Variants in CACNA1B observed in about 807,000 individuals in gnomAD.
CACNA1B encodes calcium voltage-gated channel subunit alpha1 B, also known as voltage-dependent N-type calcium channel subunit alpha-1B.
CACNA1B carries 70 observed loss-of-function variants against 247.2 expected under a neutral mutation model. That is an observed-to-expected ratio of 0.28 (90% CI 0.23 to 0.35). The LOEUF (loss-of-function observed/expected upper bound fraction) is 0.35, where lower values mean the gene tolerates loss of function less well. CACNA1B is among the 10% of genes least tolerant of loss of function. The pLI is 1.00. For missense variants in CACNA1B, 2,367 were observed against 3,197.4 expected (o/e 0.74, Z 6.26); for synonymous variants, 1,231 against 1,294.4 (o/e 0.95, Z 1.05).
intron 3 of CACNA1B, among the ~76,000 whole-genome samples, chr9:137,901,176 G>A (rs916985181): frequency 9.4e-5 from 14 of 149,576 alleles, no homozygotes; most frequent in Admixed American, 1.3e-4. Context: ...GTGTGTCTCT[G>A]TGTCCCTGTG....
At chr9:138,047,983 G>A (rs1246456364) in intron 23 of CACNA1B, among the ~76,000 whole-genome samples, 1 of 152,182 alleles carries the variant, frequency 6.6e-6, no homozygotes, top group Non-Finnish European at 1.5e-5. Flanking sequence ...TGGCCCTTGT[G>A]TGTTTATGCA....
At chr9:138,111,759 C>T (rs1398977749) in intron 39 of CACNA1B, among the ~76,000 whole-genome samples, 4 of 152,114 alleles carry the variant, frequency 2.6e-5, no homozygotes, top group Non-Finnish European at 5.9e-5. Context: ...TGCCCCGAGG[C>T]CTCCCTGGCC....
intron 5 of CACNA1B, among the ~76,000 whole-genome samples, chr9:137,915,979 C>T (rs928044535): frequency 3.3e-5 from 5 of 151,862 alleles, no homozygotes; most frequent in Non-Finnish European, 7.4e-5. Context: ...AGCTGAGCAA[C>T]TCCACAAAAT....
intron 36 of CACNA1B, among the ~76,000 whole-genome samples, chr9:138,081,653 A>G (rs1286662960): frequency 2.6e-5 from 4 of 151,136 alleles, no homozygotes; most frequent in African/African-American, 7.4e-5. Context: ...TTATGAATAC[A>G]TTAAGTATTT....
At chr9:137,949,455 CGT>C (rs200478557) in intron 6 of CACNA1B, among the ~76,000 whole-genome samples, 46 of 92,840 alleles carry the variant, frequency 5.0e-4, no homozygotes, top group East Asian at 9.8e-4. Flanking sequence ...GGGGTGTGTG[CGT>C]GTGTGTGTGT....
In CACNA1B at chr9:138,059,828, G is replaced by A. The variant is rs1959660150; in HGVS notation, c.4668+91G>A. The stretch of plus-strand genomic sequence containing the variant: ...CAGTGCATCTCCAGGCCCTGTGTTA[G>A]CCTCTTCCTGGGTTCCGCAGAACCC... On this transcript the variant is annotated intron_variant, in intron 31 of 46. Coordinates refer to ENST00000371372, the MANE Select transcript of CACNA1B (RefSeq NM_000718.4). This position sits in a 1 kb window ranked among gnomAD's most constrained non-coding sequence, Gnocchi z 4.2. 2 of 774,152 alleles carry A rather than the reference G, an allele frequency of 2.6e-6. No homozygotes were observed. Among genetic ancestry groups the A allele is most frequent in the East Asian group, 2.5e-5 (1 of 40,498 alleles). 48.0% of individuals were successfully genotyped at this position (774,152 alleles called of 1,614,324 possible). A position where few individuals can be genotyped will look rare whatever the true frequency, so the allele number is the denominator to read the frequency against.
intron 23 of CACNA1B, among the ~76,000 whole-genome samples, chr9:138,048,345 C>T (rs1195650637): frequency 6.6e-6 from 1 of 152,184 alleles, no homozygotes; most frequent in African/African-American, 2.4e-5. Flanking sequence ...GAGCTCTGAG[C>T]TCCCTGGGGC....
In CACNA1B at chr9:138,059,732, AT is replaced by A; in HGVS notation, c.4665del (p.Ile1555MetfsTer21). The A allele has an allele frequency of 6.3e-7, 1 of 1,588,978 alleles. No individual in the cohort carries two copies. The highest frequency in any genetic ancestry group is 8.6e-7 in the Non-Finnish European group (1 of 1,157,186). On this transcript the variant is annotated frameshift_variant, in exon 31 of 47. Coordinates refer to ENST00000371372, the MANE Select transcript of CACNA1B (RefSeq NM_000718.4). LOFTEE classifies it high-confidence loss of function. This position sits in a 1 kb window ranked among gnomAD's most constrained non-coding sequence, Gnocchi z 4.2. ...GSITDILVTE[I>X]AETNNFINLS... The stretch of plus-strand genomic sequence containing the variant: ...TATTACTGATATTTTAGTAACAGAG[AT>A]TGCGGTAAGTAGCATTTCTGTCCCT...
intron 39 of CACNA1B, among the ~76,000 whole-genome samples, chr9:138,110,040 C>T (rs981723512): frequency 4.6e-5 from 7 of 151,782 alleles, no homozygotes; most frequent in Non-Finnish European, 1.0e-4. Flanking sequence ...GGTGACAGAC[C>T]GAGATTCCAT....
intron 15 of CACNA1B, among the ~76,000 whole-genome samples, chr9:138,003,134 T>C (rs1430869767): frequency 6.7e-6 from 1 of 149,702 alleles, no homozygotes; most frequent in Non-Finnish European, 1.5e-5. Context: ...GTCTTGCGAT[T>C]GTGCCACTGC....
At position 137,888,728 on chromosome 9, in the gene CACNA1B, CAG is replaced by C. The variant is rs1957053232; in HGVS notation, c.530+5846_530+5847del. Among the ~76,000 whole-genome samples, 2 of 152,240 alleles carry C rather than the reference CAG, an allele frequency of 1.3e-5. No homozygotes were observed. Among genetic ancestry groups the C allele is most frequent in the Non-Finnish European group, 1.5e-5 (1 of 68,040 alleles). On this transcript the variant is annotated intron_variant, in intron 3 of 46. Transcript: ENST00000371372. The surrounding 1 kb of genome is among the most constrained non-coding windows in gnomAD (Gnocchi z 4.7). ...AGGAGGGAGTCTGGTCAGCGGAGCT[CAG>C]GGGCCGAGGCACTGCTGACCCTGAG... is the stretch of plus-strand genomic sequence containing the variant.
At chr9:138,089,354 A>T (rs542204759) in intron 36 of CACNA1B, among the ~76,000 whole-genome samples, 1 of 152,352 alleles carries the variant, frequency 6.6e-6, no homozygotes, top group South Asian at 2.1e-4. Context: ...GGATGTAAGG[A>T]TGGTTCAACA....
intron 6 of CACNA1B, among the ~76,000 whole-genome samples, chr9:137,929,463 G>C (rs1406656417): frequency 2.6e-5 from 4 of 152,176 alleles, no homozygotes; most frequent in Non-Finnish European, 4.4e-5. Context: ...ACTGAGGTGG[G>C]AGGATCACTT....
intron 1 of CACNA1B, 34 bp from the exon 2 acceptor site, chr9:137,879,020 G>T (rs770614645): frequency 3.4e-5 from 48 of 1,413,694 alleles, no homozygotes; most frequent in Middle Eastern, 3.5e-4. Context: ...TTCCCTCCGT[G>T]CGGCGTCTGC....
intron 1 of CACNA1B, 143 bp from the exon 2 acceptor site, chr9:137,878,911 T>C (rs909339642): frequency 1.7e-6 from 1 of 580,624 alleles, no homozygotes; most frequent in African/African-American, 1.9e-5. Context: ...CCAGGCCGCT[T>C]CCGCCAGGAG....
At chr9:137,936,715 A>C (rs1755721398) in intron 6 of CACNA1B, among the ~76,000 whole-genome samples, 1 of 152,200 alleles carries the variant, frequency 6.6e-6, no homozygotes, top group African/African-American at 2.4e-5. Flanking sequence ...CAGTTTTCCC[A>C]GCACCATTTA....
chr9:138,022,953 C>G (rs1347494092), intron 18 of CACNA1B, 58 bp from the exon 19 acceptor site: 2 of 1,446,422 alleles, frequency 1.4e-6, no homozygotes, highest in Non-Finnish European at 1.8e-6. Context: ...TGTGGCCTCC[C>G]TGGAGAGCGG....
At chr9:138,053,596 C>A (rs1030005224) in intron 25 of CACNA1B, among the ~76,000 whole-genome samples, 1 of 143,878 alleles carries the variant, frequency 7.0e-6, no homozygotes, top group African/African-American at 2.9e-5. Context: ...CCTCATGGCC[C>A]CACCCCCCAC....
chr9:138,058,781 G>A lies in CACNA1B; in HGVS notation c.4473+48G>A, dbSNP rs567195539. ...GGGCAGCTGGCGCTGCTAGGGATTG[G>A]GATCTAACCCTGAGGCTGAGTGGAG... On this transcript the variant is annotated intron_variant, in intron 29 of 46. Coordinates refer to ENST00000371372, the MANE Select transcript of CACNA1B (RefSeq NM_000718.4). The surrounding 1 kb of genome is among the most constrained non-coding windows in gnomAD (Gnocchi z 4.7). 22 of 1,524,788 alleles carry A rather than the reference G, an allele frequency of 1.4e-5. No homozygotes were observed. The African/African-American group carries it at 3.0e-4, about 21-fold the overall frequency. 94.5% of individuals were successfully genotyped at this position (1,524,788 alleles called of 1,614,324 possible).
Sources: allele counts gnomAD v4.1 joint callset (sites outside exome capture counted in the v4.1 genomes callset), GRCh38; gene constraint gnomAD v4.1.1; non-coding constraint Gnocchi (gnomAD v3.1); transcripts MANE v1.5; gene names NCBI Gene and HGNC (gene_info 2026-07-23, HGNC 2026-07-21).